TAOK1: variants seen among roughly 807,000 people sequenced by gnomAD.
TAOK1 encodes serine/threonine-protein kinase TAO1.
TAOK1 carries 21 observed loss-of-function variants against 138.3 expected under a neutral mutation model. That is an observed-to-expected ratio of 0.15 (90% CI 0.11 to 0.22). The LOEUF (loss-of-function observed/expected upper bound fraction) is 0.22, where lower values mean the gene tolerates loss of function less well. Ranked by LOEUF, TAOK1 falls within the 10% of genes least tolerant of loss-of-function variation. The probability of loss-of-function intolerance (pLI) is 1.00; values close to 1 mark genes in which losing one functional copy is unlikely to be tolerated. For missense variants in TAOK1, 651 were observed against 1,227.7 expected (o/e 0.53, Z 7.02); for synonymous variants, 361 against 398.4 (o/e 0.91, Z 1.12).
chr17:29,393,295 G>A (rs969962132), intron 1 of TAOK1, among the ~76,000 whole-genome samples: 1 of 152,064 alleles, frequency 6.6e-6, no homozygotes, highest in Non-Finnish European at 1.5e-5. Flanking sequence ...ATCAATAGAG[G>A]CTACAAAACT....
chr17:29,545,999 A>T lies in TAOK1; in HGVS notation c.*2977A>T, dbSNP rs200891782. On this transcript the variant is annotated 3_prime_UTR_variant, in exon 20 of 20. Coordinates refer to ENST00000261716, the MANE Select transcript of TAOK1 (RefSeq NM_020791.4). The stretch of plus-strand genomic sequence containing the variant: ...TAGCATTTTAAAAATGCAAAGCCAC[A>T]TACTTTGAAATATATTATTCCAAAT... The T allele has an allele frequency of 6.6e-6, 1 of 152,294 alleles. No homozygotes were observed. The highest frequency in any genetic ancestry group is 2.1e-4 in the South Asian group (1 of 4,828). 9.4% of individuals were successfully genotyped at this position (152,294 alleles called of 1,614,324 possible).
At chr17:29,509,377 AT>A (rs2031679170) in intron 14 of TAOK1, among the ~76,000 whole-genome samples, 1 of 151,642 alleles carries the variant, frequency 6.6e-6, no homozygotes, top group African/African-American at 2.4e-5. Context: ...TATTATTTTT[AT>A]TTTAGTAGAA....
intron 2 of TAOK1, among the ~76,000 whole-genome samples, chr17:29,464,945 C>G (rs1222201636): frequency 6.6e-6 from 1 of 150,708 alleles, no homozygotes; most frequent in African/African-American, 2.4e-5. Context: ...CTCAACCTCC[C>G]GAGTAGCTGG....
intron 17 of TAOK1, 83 bp from the exon 18 acceptor site, chr17:29,530,324 C>G: frequency 8.1e-7 from 1 of 1,239,888 alleles, no homozygotes; most frequent in Non-Finnish European, 1.1e-6. Context: ...TCCTAGTAGC[C>G]TTTATTTTCA....
chr17:29,455,384 T>C (rs1014557973), intron 2 of TAOK1, among the ~76,000 whole-genome samples: 10 of 150,648 alleles, frequency 6.6e-5, no homozygotes. Flanking sequence ...TTGGATTCTT[T>C]GAAATTTCTA....
At chr17:29,422,854 G>A (rs535880626) in intron 1 of TAOK1, among the ~76,000 whole-genome samples, 4 of 152,072 alleles carry the variant, frequency 2.6e-5, no homozygotes, top group African/African-American at 4.8e-5. Context: ...TGAAACCCCC[G>A]TCTCTACTAA....
chr17:29,415,216 GC>G (rs930169750), intron 1 of TAOK1, among the ~76,000 whole-genome samples: 1 of 151,940 alleles, frequency 6.6e-6, no homozygotes, highest in Non-Finnish European at 1.5e-5. Flanking sequence ...CGATCCACCT[GC>G]CTCAGGCTCC....
chr17:29,399,561 C>A (rs1286228254), intron 1 of TAOK1, among the ~76,000 whole-genome samples: 3 of 151,502 alleles, frequency 2.0e-5, no homozygotes, highest in Non-Finnish European at 4.4e-5. Context: ...GTGATCTGCC[C>A]GCCTTGGCCT....
intron 1 of TAOK1, among the ~76,000 whole-genome samples, chr17:29,446,115 C>G (rs2030071281): frequency 6.6e-6 from 1 of 151,972 alleles, no homozygotes; most frequent in Non-Finnish European, 1.5e-5. Flanking sequence ...GATATACTCT[C>G]TTTTGTTTGC....
intron 1 of TAOK1, among the ~76,000 whole-genome samples, chr17:29,397,757 G>C (rs1366414059): frequency 2.5e-5 from 3 of 122,412 alleles, no homozygotes; most frequent in Non-Finnish European, 5.2e-5. Context: ...ATACACGTAT[G>C]TATATATGTA....
chr17:29,430,699 C>G (rs1905799391), intron 1 of TAOK1, among the ~76,000 whole-genome samples: 1 of 152,148 alleles, frequency 6.6e-6, no homozygotes, highest in Admixed American at 6.5e-5. Flanking sequence ...CCTCCAGACC[C>G]TATTCTCCTG....
intron 13 of TAOK1, 94 bp from the exon 14 acceptor site, chr17:29,507,802 A>G (rs770061990): frequency 1.4e-5 from 16 of 1,126,794 alleles, no homozygotes; most frequent in Non-Finnish European, 2.0e-5. Flanking sequence ...ATTTTACACT[A>G]ATTCCCTACT....
At chr17:29,525,780 G>A (rs1175107396) in intron 17 of TAOK1, among the ~76,000 whole-genome samples, 1 of 152,182 alleles carries the variant, frequency 6.6e-6, no homozygotes, top group Non-Finnish European at 1.5e-5. Flanking sequence ...CCGAGGCAGG[G>A]GATCATGAGG....
At position 29,530,370 on chromosome 17, in the gene TAOK1, T is replaced by C. The variant is rs751514023; in HGVS notation, c.2149-37T>C. Reference sequence around the variant, plus strand: ...CATACCATATACCAAATGCCTTTCGTTACAACTTACATAAATGTATTTTTT... The same window carrying C: ...CATACCATATACCAAATGCCTTTCGCTACAACTTACATAAATGTATTTTTT... On this transcript the variant is annotated intron_variant, in intron 17 of 19. Coordinates refer to ENST00000261716, the MANE Select transcript of TAOK1 (RefSeq NM_020791.4). 11 of 1,586,674 alleles carry C rather than the reference T, an allele frequency of 6.9e-6. No homozygotes were observed. In the Admixed American group the frequency reaches 1.5e-4, roughly 22 times the overall value.
At chr17:29,485,352 C>G (rs1326846453) in intron 8 of TAOK1, among the ~76,000 whole-genome samples, 1 of 152,132 alleles carries the variant, frequency 6.6e-6, no homozygotes, top group Non-Finnish European at 1.5e-5. Context: ...TAGTTCTACT[C>G]TCAGCTGGAT....
At chr17:29,487,805 A>G (rs2031204515) in intron 8 of TAOK1, among the ~76,000 whole-genome samples, 1 of 152,240 alleles carries the variant, frequency 6.6e-6, no homozygotes, top group Non-Finnish European at 1.5e-5. Flanking sequence ...GAGAAGCAGA[A>G]TATTTATGTA....
intron 2 of TAOK1, among the ~76,000 whole-genome samples, chr17:29,455,807 T>G (rs577091959): frequency 2.7e-4 from 40 of 150,520 alleles, no homozygotes; most frequent in Non-Finnish European, 5.3e-4. Flanking sequence ...CTTACATGTC[T>G]GTGATAAATC....
chr17:29,485,478 A>C (rs2031152662), intron 8 of TAOK1, among the ~76,000 whole-genome samples: 1 of 141,606 alleles, frequency 7.1e-6, no homozygotes, highest in African/African-American at 2.5e-5. Context: ...CTCTACCAAA[A>C]ACAAGACAAA....
chr17:29,535,529 G>A (rs1325153591), intron 19 of TAOK1, among the ~76,000 whole-genome samples: 1 of 152,048 alleles, frequency 6.6e-6, no homozygotes, highest in African/African-American at 2.4e-5. Flanking sequence ...TATAGTTCCT[G>A]TGATAAAAAT....
Sources: allele counts gnomAD v4.1 joint callset (sites outside exome capture counted in the v4.1 genomes callset), GRCh38; gene constraint gnomAD v4.1.1; transcripts MANE v1.5; gene names NCBI Gene and HGNC (gene_info 2026-07-23, HGNC 2026-07-21).